Variants in KCNT2 observed in about 807,000 individuals in gnomAD.
KCNT2 encodes the protein potassium sodium-activated channel subfamily T member 2.
In KCNT2, 67 loss-of-function variants were observed where a neutral mutation model predicts 153.8. That is an observed-to-expected ratio of 0.44 (90% CI 0.36 to 0.53). The LOEUF (loss-of-function observed/expected upper bound fraction) is 0.53. Ranked by LOEUF, KCNT2 falls within the 20% of genes least tolerant of loss-of-function variation. The pLI, the probability that KCNT2 is intolerant of heterozygous loss-of-function variation, is 0.00. For synonymous variants in KCNT2, 500 were observed against 458.8 expected (o/e 1.09, Z -1.15); for missense variants, 975 against 1,354.8 (o/e 0.72, Z 4.40).
In KCNT2 at chr1:196,442,153, C is replaced by T. The variant is rs189551936; in HGVS notation, c.639-12396G>A. On this transcript the variant is annotated intron_variant, in intron 8 of 27. Transcript: ENST00000294725. ...AAGAACAGTTCTGCTGGATCACCGA[C>T]GGAAAAGCTATTATAAAATTATTTT... 1.7e-3 allele frequency among the ~76,000 whole-genome samples: 252 copies of T among 151,820 alleles called. 4 individuals carry two copies. The highest frequency in any genetic ancestry group is 5.4e-3 in the African/African-American group (225 of 41,502).
intron 1 of KCNT2, among the ~76,000 whole-genome samples, chr1:196,586,838 G>A (rs932538994): frequency 3.3e-5 from 5 of 151,924 alleles, no homozygotes; most frequent in Non-Finnish European, 5.9e-5. Flanking sequence ...TTGATAAAAT[G>A]TGTCCACATT....
chr1:196,394,275 T>C (rs1240094958), intron 13 of KCNT2, among the ~76,000 whole-genome samples: 2 of 151,526 alleles, frequency 1.3e-5, no homozygotes, highest in African/African-American at 4.8e-5. Flanking sequence ...AGTAAGCTTA[T>C]AGATACAACA....
At chr1:196,580,365 A>G (rs958290482) in intron 1 of KCNT2, among the ~76,000 whole-genome samples, 106 of 152,266 alleles carry the variant, frequency 7.0e-4, no homozygotes, top group African/African-American at 2.3e-3. Context: ...GTAACTCCAC[A>G]GAAGAGAACC....
intron 3 of KCNT2, among the ~76,000 whole-genome samples, chr1:196,483,895 A>G (rs910427614): frequency 6.6e-6 from 1 of 152,152 alleles, no homozygotes; most frequent in Admixed American, 6.5e-5. Flanking sequence ...CCAATGATCA[A>G]TGATAAATGG....
At chr1:196,314,090 T>A (rs1662465342) in intron 21 of KCNT2, among the ~76,000 whole-genome samples, 1 of 151,590 alleles carries the variant, frequency 6.6e-6, no homozygotes, top group African/African-American at 2.4e-5. Context: ...AATTACTAAT[T>A]ACAGCCTTTG....
At chr1:196,572,955 A>T (rs1414241053) in intron 1 of KCNT2, among the ~76,000 whole-genome samples, 1 of 152,116 alleles carries the variant, frequency 6.6e-6, no homozygotes. Context: ...CTAGTGTCTC[A>T]GGTTTAAATA....
At chr1:196,390,890 CTTTTTTTTT>C (rs61134739) in intron 13 of KCNT2, among the ~76,000 whole-genome samples, 1 of 124,382 alleles carries the variant, frequency 8.0e-6, no homozygotes, top group Non-Finnish European at 1.7e-5. Context: ...CTCATTCATT[CTTTTTTTTT>C]TTTTTTTTTA....
intron 11 of KCNT2, among the ~76,000 whole-genome samples, chr1:196,424,698 G>GA (rs1446725150): frequency 2.1e-4 from 31 of 148,192 alleles, no homozygotes; most frequent in African/African-American, 6.2e-4. Flanking sequence ...TTGAATCATT[G>GA]AAAAAAAACT....
At chr1:196,343,592 T>C (rs1398434889) in intron 14 of KCNT2, among the ~76,000 whole-genome samples, 2 of 152,162 alleles carry the variant, frequency 1.3e-5, no homozygotes, top group Admixed American at 1.3e-4. Context: ...AGGTAACATT[T>C]GTCAATATTT....
chr1:196,234,709 A>C (rs542500191), intron 27 of KCNT2, among the ~76,000 whole-genome samples: 22 of 151,476 alleles, frequency 1.5e-4, no homozygotes, highest in Non-Finnish European at 2.7e-4. Flanking sequence ...TATTACATTT[A>C]GTTCTAAACC....
chr1:196,601,113 G>A lies in KCNT2; in HGVS notation c.95+7102C>T, dbSNP rs922524542. The stretch of plus-strand genomic sequence containing the variant: ...GCCTCCTGACTCTCCTCAGTTCCTT[G>A]AAAATGCCTTGCTCTCTCCCAGCAC... On this transcript the variant is annotated intron_variant, in intron 1 of 27. Transcript: ENST00000294725. 5.9e-5 allele frequency among the ~76,000 whole-genome samples: 9 copies of A among 152,294 alleles called. No individual in the cohort carries two copies. The South Asian group carries it at 6.2e-4, about 11-fold the overall frequency.
chr1:196,375,766 T>A (rs1668910762), intron 13 of KCNT2, among the ~76,000 whole-genome samples: 1 of 151,766 alleles, frequency 6.6e-6, no homozygotes, highest in Admixed American at 6.6e-5. Flanking sequence ...AAGAGAGTAC[T>A]GGATCAGAGA....
chr1:196,588,345 T>C (rs1662940686), intron 1 of KCNT2, among the ~76,000 whole-genome samples: 1 of 151,890 alleles, frequency 6.6e-6, no homozygotes, highest in South Asian at 2.1e-4. Flanking sequence ...ACACAACAAA[T>C]GTGATGATTT....
intron 26 of KCNT2, among the ~76,000 whole-genome samples, chr1:196,249,598 C>T (rs552192590): frequency 6.6e-6 from 1 of 152,120 alleles, no homozygotes; most frequent in East Asian, 1.9e-4. Context: ...CATAGTGAAA[C>T]CCTGTCTCTA....
intron 14 of KCNT2, among the ~76,000 whole-genome samples, chr1:196,345,214 G>C (rs961068175): frequency 3.3e-5 from 5 of 152,184 alleles, no homozygotes; most frequent in African/African-American, 1.2e-4. Context: ...GTTGTGTTTA[G>C]AGGTGATAAT....
At chr1:196,513,591 G>A (rs1312793592) in intron 1 of KCNT2, among the ~76,000 whole-genome samples, 3 of 152,062 alleles carry the variant, frequency 2.0e-5, no homozygotes, top group East Asian at 1.9e-4. Context: ...CAACTCTTAC[G>A]TTAACTAAGC....
intron 8 of KCNT2, among the ~76,000 whole-genome samples, chr1:196,459,245 T>C (rs892836481): frequency 6.6e-6 from 1 of 151,790 alleles, no homozygotes; most frequent in Non-Finnish European, 1.5e-5. Flanking sequence ...GGGGTCAATA[T>C]ACTTTGCCAT....
At chr1:196,346,415 T>A (rs1386211637) in intron 14 of KCNT2, among the ~76,000 whole-genome samples, 1 of 152,168 alleles carries the variant, frequency 6.6e-6, no homozygotes, top group Non-Finnish European at 1.5e-5. Context: ...TACTCACTAA[T>A]TTAAAATAAC....
intron 1 of KCNT2, among the ~76,000 whole-genome samples, chr1:196,596,963 G>C (rs1286176627): frequency 6.6e-6 from 1 of 152,108 alleles, no homozygotes; most frequent in African/African-American, 2.4e-5. Flanking sequence ...GCTTCCCAGA[G>C]TGCTGGGATT....
Sources: gnomAD v4.1 joint callset for allele counts (sites outside exome capture counted in the v4.1 genomes callset) on GRCh38, gnomAD v4.1.1 for gene constraint, MANE v1.5 for transcripts, NCBI Gene and HGNC (gene_info 2026-07-23, HGNC 2026-07-21) for gene names.